CAMKMT: variants seen among roughly 807,000 people sequenced by gnomAD.
The protein encoded by CAMKMT is CaM KMT.
In CAMKMT, 53 loss-of-function variants were observed where a neutral mutation model predicts 48.0. The observed-to-expected ratio is 1.10, with a 90% CI of 0.89 to 1.39. The LOEUF (loss-of-function observed/expected upper bound fraction) is 1.39, where lower values mean the gene tolerates loss of function less well. Ranked by LOEUF, CAMKMT falls within the 40% of genes most tolerant of loss-of-function variation. The probability of loss-of-function intolerance (pLI) is 0.00; values close to 1 mark genes in which losing one functional copy is unlikely to be tolerated. For synonymous variants in CAMKMT, 165 were observed against 152.3 expected (o/e 1.08, Z -0.61); for missense variants, 428 against 402.7 (o/e 1.06, Z -0.54).
At chr2:44,599,067 C>T (rs1670834487) in intron 3 of CAMKMT, among the ~76,000 whole-genome samples, 1 of 151,960 alleles carries the variant, frequency 6.6e-6, no homozygotes, top group South Asian at 2.1e-4. Flanking sequence ...CCTATATTTT[C>T]TGTGGATGTT....
chr2:44,563,836 T>C (rs943386191), intron 3 of CAMKMT, among the ~76,000 whole-genome samples: 3 of 152,198 alleles, frequency 2.0e-5, no homozygotes, highest in Non-Finnish European at 4.4e-5. Context: ...TAGTATTCCG[T>C]GGTGTATATG....
chr2:44,475,036 C>G (rs1325454567), intron 3 of CAMKMT, among the ~76,000 whole-genome samples: 1 of 152,146 alleles, frequency 6.6e-6, no homozygotes, highest in Non-Finnish European at 1.5e-5. Flanking sequence ...AAACTTGATT[C>G]TAATATTTAC....
At chr2:44,599,366 T>C (rs1031124070) in intron 3 of CAMKMT, among the ~76,000 whole-genome samples, 10 of 152,146 alleles carry the variant, frequency 6.6e-5, no homozygotes, top group African/African-American at 2.2e-4. Context: ...CTTCTGACCA[T>C]CTGGCAGTTC....
intron 3 of CAMKMT, among the ~76,000 whole-genome samples, chr2:44,580,531 G>A (rs1669497201): frequency 6.6e-6 from 1 of 152,128 alleles, no homozygotes; most frequent in Non-Finnish European, 1.5e-5. Flanking sequence ...TTTGTAAGAT[G>A]TGAAAATAGT....
chr2:44,545,075 A>G lies in CAMKMT; in HGVS notation c.376+154770A>G, dbSNP rs554281995. On this transcript the variant is annotated intron_variant, in intron 3 of 10. Coordinates refer to ENST00000378494, the MANE Select transcript of CAMKMT (RefSeq NM_024766.5). ...CTCTTTCAAGCTTTAGATGACAACC[A>G]ACTTACATTTACCTATTCAGATATA... Among the ~76,000 whole-genome samples, 111 of 152,338 alleles carry G rather than the reference A, an allele frequency of 7.3e-4. 1 individual carries two copies. The highest frequency in any genetic ancestry group is 2.6e-3 in the African/African-American group (107 of 41,574).
At chr2:44,617,259 C>A (rs1283109281) in intron 3 of CAMKMT, among the ~76,000 whole-genome samples, 1 of 152,036 alleles carries the variant, frequency 6.6e-6, no homozygotes, top group Non-Finnish European at 1.5e-5. Flanking sequence ...TAATATTGAC[C>A]CATAACTGTG....
chr2:44,427,888 G>C (rs1684383936), intron 3 of CAMKMT, among the ~76,000 whole-genome samples: 1 of 152,138 alleles, frequency 6.6e-6, no homozygotes, highest in Admixed American at 6.5e-5. Context: ...TTGCTCAGCT[G>C]CCGTGCCCAA....
At chr2:44,386,344 A>G (rs983029956) in intron 2 of CAMKMT, among the ~76,000 whole-genome samples, 1 of 151,912 alleles carries the variant, frequency 6.6e-6, no homozygotes, top group Admixed American at 6.6e-5. Context: ...TTTGTGTTTC[A>G]GTGGTGTCAT....
chr2:44,459,742 C>G (rs1245056954), intron 3 of CAMKMT, among the ~76,000 whole-genome samples: 1 of 152,110 alleles, frequency 6.6e-6, no homozygotes, highest in East Asian at 1.9e-4. Flanking sequence ...TGTTAGCAAG[C>G]CTTGATAGCA....
At chr2:44,704,557 A>C (rs78052328) in intron 4 of CAMKMT, among the ~76,000 whole-genome samples, 8,825 of 152,014 alleles carry the variant, frequency 0.058, 587 homozygotes, top group African/African-American at 0.16. Flanking sequence ...GGGTACTAAT[A>C]TTGCACAGCA....
At chr2:44,515,117 G>T (rs949298609) in intron 3 of CAMKMT, among the ~76,000 whole-genome samples, 1 of 152,238 alleles carries the variant, frequency 6.6e-6, no homozygotes, top group African/African-American at 2.4e-5. Context: ...GCTAGGGAAA[G>T]ACAGAGGTTT....
chr2:44,715,321 TG>T lies in CAMKMT; in HGVS notation c.593del (p.Gly198ValfsTer50). ...QDIITRNQKAGVFKTQKISSC... is the reference protein window; with the variant it reads ...QDIITRNQKAXVFKTQKISSC... Reference sequence around the variant, plus strand: ...ACATCATCACAAGGAATCAGAAGGCTGGTGTGTTTAAGACCCAGAAAATATC... The same window carrying T: ...ACATCATCACAAGGAATCAGAAGGCTGTGTGTTTAAGACCCAGAAAATATC... On this transcript the variant is annotated frameshift_variant, in exon 7 of 11. Coordinates refer to ENST00000378494, the MANE Select transcript of CAMKMT (RefSeq NM_024766.5). LOFTEE classifies it high-confidence loss of function. 6.2e-7 allele frequency: 1 copy of T among 1,613,392 alleles called. No homozygotes were observed. The highest frequency in any genetic ancestry group is 8.5e-7 in the Non-Finnish European group (1 of 1,179,580).
chr2:44,485,600 C>T (rs938605428), intron 3 of CAMKMT, among the ~76,000 whole-genome samples: 9 of 152,100 alleles, frequency 5.9e-5, no homozygotes, highest in East Asian at 1.9e-4. Context: ...TATAGCCTGC[C>T]GCTCTGAGGC....
chr2:44,544,415 G>T (rs1278984775), intron 3 of CAMKMT, among the ~76,000 whole-genome samples: 1 of 152,172 alleles, frequency 6.6e-6, no homozygotes, highest in African/African-American at 2.4e-5. Flanking sequence ...AATGAATACA[G>T]TGTTAATTAA....
At chr2:44,727,735 G>C (rs1283648565) in intron 7 of CAMKMT, among the ~76,000 whole-genome samples, 7 of 152,160 alleles carry the variant, frequency 4.6e-5, no homozygotes, top group Non-Finnish European at 4.4e-5. Flanking sequence ...GATGATGTTG[G>C]CTGTGGGTTT....
intron 3 of CAMKMT, among the ~76,000 whole-genome samples, chr2:44,513,570 G>T (rs1173665211): frequency 6.6e-6 from 1 of 152,166 alleles, no homozygotes; most frequent in African/African-American, 2.4e-5. Context: ...GATGTTTCAA[G>T]TTCTTGGTAC....
chr2:44,596,717 G>C (rs1670692315), intron 3 of CAMKMT, among the ~76,000 whole-genome samples: 1 of 151,622 alleles, frequency 6.6e-6, no homozygotes. Context: ...TTTGAATTGT[G>C]CTTGCATCAT....
chr2:44,677,772 A>G (rs1222358612), intron 3 of CAMKMT, among the ~76,000 whole-genome samples: 2 of 152,010 alleles, frequency 1.3e-5, no homozygotes, highest in Non-Finnish European at 2.9e-5. Context: ...TCTTATAACA[A>G]TGCACCTCCT....
intron 3 of CAMKMT, among the ~76,000 whole-genome samples, chr2:44,632,503 A>G (rs568976360): frequency 1.3e-5 from 2 of 152,244 alleles, no homozygotes; most frequent in Admixed American, 6.5e-5. Context: ...ACAGATTAAC[A>G]TGTCTATAAT....
Sources: allele counts gnomAD v4.1 joint callset (sites outside exome capture counted in the v4.1 genomes callset), GRCh38; gene constraint gnomAD v4.1.1; transcripts MANE v1.5; gene names NCBI Gene and HGNC (gene_info 2026-07-23, HGNC 2026-07-21).